SKAP1: variants seen among roughly 807,000 people sequenced by gnomAD.
SKAP1 encodes src kinase-associated phosphoprotein 1.
SKAP1 carries 44 observed loss-of-function variants against 58.5 expected under a neutral mutation model. The ratio of observed to expected loss-of-function variants is 0.75; its 90% CI spans 0.59 to 0.97. SKAP1 has a LOEUF of 0.97. SKAP1 is among the 50% of genes least tolerant of loss of function. The probability of loss-of-function intolerance (pLI) is 0.00; values close to 1 mark genes in which losing one functional copy is unlikely to be tolerated. For synonymous variants in SKAP1, 127 were observed against 149.7 expected (o/e 0.85, Z 1.11); for missense variants, 390 against 435.2 (o/e 0.90, Z 0.92).
chr17:48,189,105 G>A (rs1007875099), intron 5 of SKAP1, among the ~76,000 whole-genome samples: 2 of 152,240 alleles, frequency 1.3e-5, no homozygotes, highest in African/African-American at 4.8e-5. Context: ...CACACTGAGA[G>A]ATGAGGACAA....
At chr17:48,217,519 C>A (rs904976183) in intron 4 of SKAP1, among the ~76,000 whole-genome samples, 2 of 152,030 alleles carry the variant, frequency 1.3e-5, no homozygotes, top group Non-Finnish European at 2.9e-5. Flanking sequence ...TGGTGGTGTG[C>A]ACCTGTAGTC....
intron 1 of SKAP1, among the ~76,000 whole-genome samples, chr17:48,397,917 A>G (rs1259741408): frequency 1.3e-5 from 2 of 152,186 alleles, no homozygotes; most frequent in Non-Finnish European, 2.9e-5. Flanking sequence ...ATTGATAATG[A>G]TTACAACTGC....
rs564208827 is a variant in SKAP1, at chr17:48,363,207, C to T, written c.178+582G>A. 5.9e-5 allele frequency among the ~76,000 whole-genome samples: 9 copies of T among 152,204 alleles called. No individual in the cohort carries two copies. In the East Asian group the frequency reaches 1.7e-3, roughly 29 times the overall value. ...GTACTTTTTAGAATCATGCCAGATG[C>T]TGGGTTCATCAAGCAAAAGCAGGAA... On this transcript the variant is annotated intron_variant, in intron 3 of 12. Coordinates refer to ENST00000336915, the MANE Select transcript of SKAP1 (RefSeq NM_003726.4).
intron 4 of SKAP1, among the ~76,000 whole-genome samples, chr17:48,229,451 T>C (rs946219375): frequency 6.6e-6 from 1 of 151,868 alleles, no homozygotes; most frequent in African/African-American, 2.4e-5. Context: ...TTAAACCTCA[T>C]CTCTACTAAA....
chr17:48,158,375 T>G, intron 11 of SKAP1, among the ~76,000 whole-genome samples: 1 of 139,426 alleles, frequency 7.2e-6, no homozygotes. Context: ...TGAAACCCCG[T>G]CTCTATTAAA....
rs576272989 is a variant in SKAP1, at chr17:48,176,447, C to CGGTGGT, written c.826+3601_826+3606dup. 4.7e-3 allele frequency among the ~76,000 whole-genome samples: 719 copies of CGGTGGT among 152,144 alleles called. 4 individuals are homozygous for CGGTGGT. The highest frequency in any genetic ancestry group is 0.015 in the African/African-American group (617 of 41,474). ...CCTATGCTGGCCTGTAAAATAACTT[C>CGGTGGT]GGTGGTGGTGGTGGTGGTGGTGAGA... is the stretch of plus-strand genomic sequence containing the variant. On this transcript the variant is annotated intron_variant, in intron 9 of 12. Coordinates refer to ENST00000336915, the MANE Select transcript of SKAP1 (RefSeq NM_003726.4).
intron 2 of SKAP1, among the ~76,000 whole-genome samples, chr17:48,386,670 C>T (rs914972015): frequency 4.6e-5 from 7 of 152,260 alleles, no homozygotes; most frequent in East Asian, 1.9e-4. Flanking sequence ...TTCTTCCTTT[C>T]CTTGCTAACC....
chr17:48,192,164 G>C (rs1478630826), intron 4 of SKAP1, among the ~76,000 whole-genome samples: 1 of 144,198 alleles, frequency 6.9e-6, no homozygotes, highest in African/African-American at 2.5e-5. Context: ...TGGGGACAGA[G>C]CGAGACTCTG....
chr17:48,254,000 C>T (rs1015973110), intron 4 of SKAP1, among the ~76,000 whole-genome samples: 1 of 152,134 alleles, frequency 6.6e-6, no homozygotes, highest in Non-Finnish European at 1.5e-5. Flanking sequence ...TGAGATTATG[C>T]ACCTTCAGGG....
Position 48,163,499 on chromosome 17 carries a change from A to C in SKAP1, c.878-930T>G, listed in dbSNP as rs569971830. ...GGGGATTTGAATGGCAGGAGAGCTA[A>C]TGCCCACTAGACCAGGCATGCTCCT... On this transcript the variant is annotated intron_variant, in intron 10 of 12. Transcript: ENST00000336915. Among the ~76,000 whole-genome samples the C allele has an allele frequency of 5.3e-5, 8 of 152,316 alleles. No homozygotes were observed. The South Asian group carries it at 1.7e-3, about 32-fold the overall frequency.
chr17:48,178,686 C>T (rs1402718228), intron 9 of SKAP1, among the ~76,000 whole-genome samples: 1 of 152,162 alleles, frequency 6.6e-6, no homozygotes, highest in African/African-American at 2.4e-5. Context: ...AAATTTATCA[C>T]CTGTGAAATT....
intron 4 of SKAP1, among the ~76,000 whole-genome samples, chr17:48,327,972 C>T (rs1258611132): frequency 2.0e-5 from 3 of 152,204 alleles, no homozygotes; most frequent in South Asian, 2.1e-4. Context: ...TACTCATGCA[C>T]GAAAGTGTTA....
chr17:48,287,343 A>G (rs2065843526), intron 4 of SKAP1, among the ~76,000 whole-genome samples: 1 of 151,976 alleles, frequency 6.6e-6, no homozygotes, highest in African/African-American at 2.4e-5. Context: ...AGGCTTTAAG[A>G]GAATATCAGG....
chr17:48,292,293 G>A (rs1461939983), intron 4 of SKAP1, among the ~76,000 whole-genome samples: 1 of 151,846 alleles, frequency 6.6e-6, no homozygotes, highest in Non-Finnish European at 1.5e-5. Context: ...TTGGTCAATC[G>A]TTTAGTCATT....
chr17:48,345,665 G>A (rs1459720005), intron 4 of SKAP1, among the ~76,000 whole-genome samples: 1 of 152,164 alleles, frequency 6.6e-6, no homozygotes, highest in Non-Finnish European at 1.5e-5. Flanking sequence ...CAATAATGAT[G>A]TCTTCCTGTT....
At chr17:48,352,707 A>G (rs985894679) in intron 3 of SKAP1, among the ~76,000 whole-genome samples, 4 of 152,198 alleles carry the variant, frequency 2.6e-5, no homozygotes, top group Non-Finnish European at 5.9e-5. Context: ...TTAATCCTCA[A>G]AACAATCCTG....
At chr17:48,358,040 T>A (rs561111095) in intron 3 of SKAP1, among the ~76,000 whole-genome samples, 14 of 152,330 alleles carry the variant, frequency 9.2e-5, no homozygotes, top group Middle Eastern at 3.4e-3. Flanking sequence ...TTTCTTTTTT[T>A]AAAAAGTAGT....
chr17:48,289,137 C>T lies in SKAP1; in HGVS notation c.280+56768G>A, dbSNP rs192526936. ...AGACAATCTATATTCAAAATTAAAA[C>T]AGTAGGAATGTTTATCTATTCAAGC... On this transcript the variant is annotated intron_variant, in intron 4 of 12. Transcript: ENST00000336915. 1.4e-4 allele frequency among the ~76,000 whole-genome samples: 22 copies of T among 152,186 alleles called. No homozygotes were observed. In the East Asian group the frequency reaches 3.7e-3, roughly 25 times the overall value.
chr17:48,189,316 C>T (rs2064503413), intron 5 of SKAP1, 107 bp downstream of exon 5: 5 of 894,176 alleles, frequency 5.6e-6, no homozygotes, highest in Non-Finnish European at 8.7e-6. Context: ...TTGTATCCGC[C>T]TAGCACAGTA....
Sources: gnomAD v4.1 joint callset for allele counts (sites outside exome capture counted in the v4.1 genomes callset) on GRCh38, gnomAD v4.1.1 for gene constraint, MANE v1.5 for transcripts, NCBI Gene and HGNC (gene_info 2026-07-23, HGNC 2026-07-21) for gene names.